The following SAMD3 variants were observed in gnomAD, a reference collection of about 807,000 sequenced individuals.
SAMD3 encodes sterile alpha motif domain containing 3.
SAMD3 carries 63 observed loss-of-function variants against 58.5 expected under a neutral mutation model. The ratio of observed to expected loss-of-function variants is 1.08; its 90% confidence interval spans 0.88 to 1.33. The LOEUF (loss-of-function observed/expected upper bound fraction) is 1.33, where lower values mean the gene tolerates loss of function less well. Ranked by LOEUF, SAMD3 falls within the 40% of genes most tolerant of loss-of-function variation. The pLI, the probability that SAMD3 is intolerant of heterozygous loss-of-function variation, is 0.00. For missense variants in SAMD3, 604 were observed against 608.4 expected, an observed-to-expected ratio of 0.99 and a Z score of 0.08; for synonymous variants, 220 against 210.3, an observed-to-expected ratio of 1.05 and a Z score of -0.40.
intron 2 of SAMD3, among the ~76,000 whole-genome samples, chr6:130,254,089 G>T (rs1048879614): frequency 6.6e-6 from 1 of 151,930 alleles, no homozygotes; most frequent in Admixed American, 6.6e-5. Context: ...GACTTCCTGG[G>T]CTCACTTGAT....
At chr6:130,300,458 C>T (rs1775708837) in intron 2 of SAMD3, among the ~76,000 whole-genome samples, 4 of 152,030 alleles carry the variant, frequency 2.6e-5, no homozygotes. Context: ...AAACTAGGCA[C>T]TGAAGGAACA....
At chr6:130,169,390 G>C (rs1369016114) in intron 8 of SAMD3, among the ~76,000 whole-genome samples, 2 of 152,086 alleles carry the variant, frequency 1.3e-5, no homozygotes, top group Non-Finnish European at 2.9e-5. Context: ...CATAAACGGA[G>C]AGGCTATAGT....
chr6:130,293,201 G>T (rs1367035776), intron 2 of SAMD3, among the ~76,000 whole-genome samples: 1 of 152,172 alleles, frequency 6.6e-6, no homozygotes, highest in Non-Finnish European at 1.5e-5. Context: ...TGCTTGGGGT[G>T]CTGGGTTGGA....
At chr6:130,214,276 C>A in intron 4 of SAMD3, 61 bp downstream of exon 4, 1 of 1,396,866 alleles carries the variant, frequency 7.2e-7, no homozygotes. Flanking sequence ...AAACGTCACG[C>A]TCTAGCCATC....
chr6:130,148,874 C>T (rs978065174), intron 9 of SAMD3, among the ~76,000 whole-genome samples: 1 of 151,966 alleles, frequency 6.6e-6, no homozygotes, highest in Non-Finnish European at 1.5e-5. Flanking sequence ...AAAAAAAACC[C>T]AACCAAAAAA....
intron 2 of SAMD3, among the ~76,000 whole-genome samples, chr6:130,270,956 A>G (rs996958047): frequency 2.6e-5 from 4 of 151,938 alleles, no homozygotes; most frequent in African/African-American, 9.7e-5. Flanking sequence ...GATACTGCCA[A>G]ATTGCCTTCA....
At chr6:130,267,750 C>T (rs1774412012) in intron 2 of SAMD3, among the ~76,000 whole-genome samples, 6 of 152,144 alleles carry the variant, frequency 3.9e-5, no homozygotes, top group Admixed American at 3.3e-4. Context: ...TGTGAAACTT[C>T]CTGGTCTGTT....
intron 2 of SAMD3, among the ~76,000 whole-genome samples, chr6:130,246,444 C>T (rs1456426942): frequency 6.6e-6 from 1 of 151,302 alleles, no homozygotes; most frequent in Admixed American, 6.6e-5. Flanking sequence ...GTGGGTACAC[C>T]CTAAAGACCA....
intron 9 of SAMD3, among the ~76,000 whole-genome samples, chr6:130,147,181 G>A (rs1788715234): frequency 1.3e-5 from 2 of 152,092 alleles, no homozygotes; most frequent in South Asian, 4.1e-4. Context: ...ACACTCCAGT[G>A]AATTAATTTA....
chr6:130,282,591 T>C (rs900955207), intron 2 of SAMD3, among the ~76,000 whole-genome samples: 4 of 151,832 alleles, frequency 2.6e-5, no homozygotes, highest in Admixed American at 2.6e-4. Context: ...ACTGAATAAA[T>C]ATGGGACTTT....
At chr6:130,316,744 C>T (rs546803789) in intron 1 of SAMD3, among the ~76,000 whole-genome samples, 14 of 152,028 alleles carry the variant, frequency 9.2e-5, no homozygotes, top group African/African-American at 3.4e-4. Flanking sequence ...TACACTATAC[C>T]CAGGAGGGTC....
chr6:130,244,530 A>G (rs868588415), intron 2 of SAMD3, among the ~76,000 whole-genome samples: 6 of 152,108 alleles, frequency 3.9e-5, no homozygotes, highest in African/African-American at 1.4e-4. Context: ...ACCTGAACTC[A>G]GGAGTTCGAG....
chr6:130,335,650 C>A (rs183587280), intron 1 of SAMD3, among the ~76,000 whole-genome samples: 126 of 152,276 alleles, frequency 8.3e-4, no homozygotes, highest in African/African-American at 2.9e-3. Context: ...TTGACCCAGC[C>A]ATCCCATTAC....
chr6:130,329,979 C>T (rs533396148), intron 1 of SAMD3, among the ~76,000 whole-genome samples: 269 of 152,174 alleles, frequency 1.8e-3, no homozygotes, highest in African/African-American at 4.1e-3. Flanking sequence ...GGGCTTAAAA[C>T]CTAGATGACA....
intron 2 of SAMD3, among the ~76,000 whole-genome samples, chr6:130,237,660 A>G (rs774219580): frequency 9.2e-5 from 14 of 152,136 alleles, no homozygotes; most frequent in Admixed American, 2.0e-4. Flanking sequence ...CAATGTTACC[A>G]TCCTTATTGT....
chr6:130,297,840 C>T (rs921812860), intron 2 of SAMD3, among the ~76,000 whole-genome samples: 3 of 152,010 alleles, frequency 2.0e-5, no homozygotes, highest in African/African-American at 4.8e-5. Context: ...ATCAAGAAAA[C>T]AGAATTTTAA....
chr6:130,326,726 C>T (rs1210284271), intron 1 of SAMD3, among the ~76,000 whole-genome samples: 1 of 152,126 alleles, frequency 6.6e-6, no homozygotes, highest in Non-Finnish European at 1.5e-5. Flanking sequence ...GTGTGTCTGC[C>T]ATAGCTAGGG....
rs564798765 is a variant in SAMD3, at chr6:130,194,915, T to C, written c.384-10292A>G. Among the ~76,000 whole-genome samples, 50 of 152,284 alleles carry C rather than the reference T, an allele frequency of 3.3e-4. No individual in the cohort carries two copies. The East Asian group carries it at 3.9e-3, about 12-fold the overall frequency. On this transcript the variant is annotated intron_variant, in intron 5 of 11. Coordinates refer to ENST00000439090, the MANE Select transcript of SAMD3 (RefSeq NM_001017373.4). Reference sequence around the variant, plus strand: ...AAGTCTGTCCCCTTCTTAATCAATATGGAGGCTACCCACTGCACATTACCT... The same window carrying C: ...AAGTCTGTCCCCTTCTTAATCAATACGGAGGCTACCCACTGCACATTACCT...
chr6:130,363,053 T>C (rs906474759), intron 1 of SAMD3, among the ~76,000 whole-genome samples: 2 of 152,242 alleles, frequency 1.3e-5, no homozygotes, highest in African/African-American at 4.8e-5. Flanking sequence ...TTATTGACTT[T>C]ACCCTCTACT....
Sources: gnomAD v4.1 joint callset for allele counts (sites outside exome capture counted in the v4.1 genomes callset) on GRCh38, gnomAD v4.1.1 for gene constraint, MANE v1.5 for transcripts, NCBI Gene and HGNC (gene_info 2026-07-23, HGNC 2026-07-21) for gene names.